Variants in POLR3G observed in about 807,000 individuals in gnomAD.
POLR3G encodes the protein RNA polymerase III subunit G.
A neutral mutation model predicts 30.1 loss-of-function variants in POLR3G; 28 were observed. The ratio of observed to expected loss-of-function variants is 0.93; its 90% confidence interval spans 0.69 to 1.27. The LOEUF (loss-of-function observed/expected upper bound fraction) is 1.27, where lower values mean the gene tolerates loss of function less well. Among genes scored for constraint, POLR3G ranks in the 50% most tolerant of loss-of-function variants. The pLI is 0.00. For synonymous variants in POLR3G, 79 were observed against 82.5 expected (o/e 0.96, Z 0.23); for missense variants, 254 against 264.6 (o/e 0.96, Z 0.28).
intron 6 of POLR3G, chr5:90,502,321 C>T (rs1016821832): frequency 2.0e-4 from 186 of 947,610 alleles, no homozygotes; most frequent in Non-Finnish European, 2.2e-4. Flanking sequence ...ACATATGTAA[C>T]TCTTTTAAAA....
intron 1 of POLR3G, among the ~76,000 whole-genome samples, chr5:90,480,226 A>T (rs2914672): frequency 6.6e-6 from 1 of 152,016 alleles, no homozygotes; most frequent in African/African-American, 2.4e-5. Context: ...AAGGAATGAG[A>T]CAGTGGTTAA....
At chr5:90,499,311 G>A (rs1752131168) in intron 5 of POLR3G, among the ~76,000 whole-genome samples, 1 of 152,200 alleles carries the variant, frequency 6.6e-6, no homozygotes, top group South Asian at 2.1e-4. Flanking sequence ...TGGAAAGAGA[G>A]AGGGAGGAGG....
chr5:90,482,728 C>T (rs1175150690), intron 1 of POLR3G, among the ~76,000 whole-genome samples: 4 of 152,164 alleles, frequency 2.6e-5, no homozygotes, highest in Non-Finnish European at 4.4e-5. Context: ...CTTGTGGCCC[C>T]CACCCAGGAA....
intron 1 of POLR3G, among the ~76,000 whole-genome samples, chr5:90,483,367 A>G (rs140456988): frequency 3.3e-5 from 5 of 152,268 alleles, no homozygotes; most frequent in African/African-American, 1.2e-4. Context: ...TATCATAGCC[A>G]TTATGTCAAA....
At position 90,488,165 on chromosome 5, in the gene POLR3G, G is replaced by A. The variant is rs1395995625; in HGVS notation, c.247+36G>A. On this transcript the variant is annotated intron_variant, in intron 3 of 7. Transcript: ENST00000651687. ...GGAGTCTTTGATTATGTGGCTTAAT[G>A]TATACAGATGAAACAGTGTTTAAGC... is the stretch of plus-strand genomic sequence containing the variant. 4 of 1,495,684 alleles carry A rather than the reference G, an allele frequency of 2.7e-6. No individual in the cohort carries two copies. The Admixed American group carries it at 6.7e-5, about 25-fold the overall frequency. 92.7% of individuals were successfully genotyped at this position (1,495,684 alleles called of 1,614,324 possible). A position where few individuals can be genotyped will look rare whatever the true frequency, so the allele number is the denominator to read the frequency against.
intron 1 of POLR3G, among the ~76,000 whole-genome samples, chr5:90,477,752 C>T (rs1209902038): frequency 1.3e-5 from 2 of 152,036 alleles, no homozygotes; most frequent in South Asian, 2.1e-4. Context: ...GGACGAAACG[C>T]GCAAAGCAAA....
At chr5:90,495,596 T>C (rs968186952) in intron 3 of POLR3G, 81 bp from the exon 4 acceptor site, 1 of 1,531,636 alleles carries the variant, frequency 6.5e-7, no homozygotes, top group Non-Finnish European at 8.8e-7. Flanking sequence ...GTCTGTTGTT[T>C]TCAATAATCT....
chr5:90,479,171 T>A (rs1001110458), intron 1 of POLR3G, among the ~76,000 whole-genome samples: 3 of 151,808 alleles, frequency 2.0e-5, no homozygotes, highest in Non-Finnish European at 2.9e-5. Flanking sequence ...AATCCCTGCT[T>A]AACACAGAAC....
chr5:90,505,649 T>G (rs994604579), intron 6 of POLR3G, among the ~76,000 whole-genome samples: 8 of 152,186 alleles, frequency 5.3e-5, no homozygotes, highest in African/African-American at 1.4e-4. Context: ...TTAATTTCTC[T>G]CTTTCTTCTC....
chr5:90,510,909 A>C (rs1433658191), intron 7 of POLR3G, among the ~76,000 whole-genome samples: 1 of 152,026 alleles, frequency 6.6e-6, no homozygotes, highest in South Asian at 2.1e-4. Flanking sequence ...AGTAAAATTG[A>C]TAGGAGACTT....
chr5:90,494,506 A>G (rs1306962114), intron 3 of POLR3G, among the ~76,000 whole-genome samples: 5 of 152,150 alleles, frequency 3.3e-5, no homozygotes, highest in Admixed American at 3.3e-4. Context: ...TTACATTCCC[A>G]TCAATAATGT....
At position 90,478,569 on chromosome 5, in the gene POLR3G, CT is replaced by C. The variant is rs773881344; in HGVS notation, c.-44+3566del. 1.1e-3 allele frequency among the ~76,000 whole-genome samples: 90 copies of C among 79,320 alleles called. 6 individuals carry two copies. The highest frequency in any genetic ancestry group is 2.2e-3 in the African/African-American group (44 of 19,810). The allele number at this position is 79,320 out of a possible 152,430, so 52.0% of individuals were successfully genotyped here. On this transcript the variant is annotated intron_variant, in intron 1 of 7. Coordinates refer to ENST00000651687, the MANE Select transcript of POLR3G (RefSeq NM_006467.3). ...AATGGGAGGTTTAATCTGCGTGGTT[CT>C]TTTTTTTTTTTTTTTTGAGAGGGAG...
At chr5:90,482,866 C>T (rs143486758) in intron 1 of POLR3G, among the ~76,000 whole-genome samples, 98 of 152,290 alleles carry the variant, frequency 6.4e-4, no homozygotes, top group African/African-American at 1.6e-3. Flanking sequence ...TCTGGCTGGG[C>T]GCAGTGGCTC....
In POLR3G at chr5:90,512,790, A is replaced by T. The variant is rs904108988; in HGVS notation, c.*651A>T. On this transcript the variant is annotated 3_prime_UTR_variant, in exon 8 of 8. Coordinates refer to ENST00000651687, the MANE Select transcript of POLR3G (RefSeq NM_006467.3). Reference sequence around the variant, plus strand: ...ACTTTCACATGGGGTGAATATTATAATACTTGAATTTGAGACTTAATACTG... The same window carrying T: ...ACTTTCACATGGGGTGAATATTATATTACTTGAATTTGAGACTTAATACTG... The T allele has an allele frequency of 2.6e-5, 4 of 152,390 alleles. No homozygotes were observed. In the South Asian group the frequency reaches 6.2e-4, roughly 24 times the overall value. The allele number at this position is 152,390 out of a possible 1,614,324, so 9.4% of individuals were successfully genotyped here.
At chr5:90,508,329 CT>C (rs70999490) in intron 7 of POLR3G, among the ~76,000 whole-genome samples, 95 of 146,176 alleles carry the variant, frequency 6.5e-4, no homozygotes, top group East Asian at 2.6e-3. Flanking sequence ...TCCTCCTCCT[CT>C]TTTTTTTTTT....
intron 7 of POLR3G, among the ~76,000 whole-genome samples, chr5:90,508,952 T>G (rs752260364): frequency 6.6e-5 from 10 of 152,108 alleles, no homozygotes; most frequent in Non-Finnish European, 1.5e-4. Flanking sequence ...TCCCAACTAC[T>G]TGGGAGGCTG....
At chr5:90,490,661 G>T in intron 3 of POLR3G, 1 of 378,862 alleles carries the variant, frequency 2.6e-6, no homozygotes, top group Non-Finnish European at 5.3e-6. Flanking sequence ...CTCCCATCTC[G>T]GCCTTCCAAA....
At chr5:90,476,487 G>A (rs1750826064) in intron 1 of POLR3G, among the ~76,000 whole-genome samples, 1 of 152,162 alleles carries the variant, frequency 6.6e-6, no homozygotes, top group Non-Finnish European at 1.5e-5. Flanking sequence ...CTTTTGAGCT[G>A]GCCTTAAAAG....
chr5:90,502,953 AC>A (rs1339030604), intron 6 of POLR3G, among the ~76,000 whole-genome samples: 1 of 152,054 alleles, frequency 6.6e-6, no homozygotes, highest in Non-Finnish European at 1.5e-5. Context: ...ATGTCATTTC[AC>A]CTGTGTAGGG....
Sources: gnomAD v4.1 joint callset for allele counts (sites outside exome capture counted in the v4.1 genomes callset) on GRCh38, gnomAD v4.1.1 for gene constraint, MANE v1.5 for transcripts, NCBI Gene and HGNC (gene_info 2026-07-23, HGNC 2026-07-21) for gene names.